GALC: variants seen among roughly 807,000 people sequenced by gnomAD.
GALC encodes galactosylceramidase.
In GALC, 77 loss-of-function variants were observed where a neutral mutation model predicts 91.8. The ratio of observed to expected loss-of-function variants is 0.84; its 90% CI spans 0.70 to 1.01. GALC has a LOEUF of 1.01. Among genes scored for constraint, GALC ranks in the 50% least tolerant of loss-of-function variants. GALC has a pLI of 0.00. For synonymous variants in GALC, 357 were observed against 306.7 expected (o/e 1.16, Z -1.71); for missense variants, 882 against 855.9 (o/e 1.03, Z -0.38).
chr14:87,976,275 T>G lies in GALC; in HGVS notation c.752+83A>C, dbSNP rs187696129. ...GCTACCTTCTGAGAATGTAATCAAA[T>G]GGGGAGAAGGCAAGAAAAAGATAGT... On this transcript the variant is annotated intron_variant, in intron 7 of 16. Coordinates refer to ENST00000261304, the MANE Select transcript of GALC (RefSeq NM_000153.4). 41 of 1,460,098 alleles carry G rather than the reference T, an allele frequency of 2.8e-5. No individual in the cohort carries two copies. In the East Asian group the frequency reaches 8.6e-4, roughly 31 times the overall value. 90.4% of individuals were successfully genotyped at this position (1,460,098 alleles called of 1,614,324 possible). A position where few individuals can be genotyped will look rare whatever the true frequency, so the allele number is the denominator to read the frequency against.
At chr14:87,941,313 C>A in intron 15 of GALC, 82 bp downstream of exon 15, 1 of 889,008 alleles carries the variant, frequency 1.1e-6, no homozygotes, top group South Asian at 1.5e-5. Context: ...TTCTTTTTAT[C>A]ACTCCCACAA....
At position 87,965,379 on chromosome 14, in the gene GALC, G is replaced by A. The variant is rs928848759; in HGVS notation, c.1033+126C>T. On this transcript the variant is annotated intron_variant, in intron 9 of 16. Coordinates refer to ENST00000261304, the MANE Select transcript of GALC (RefSeq NM_000153.4). ...TTCTTATAAAACACTGGCAAATCTT[G>A]CTTAAAACTTAAATCTATACTTAAA... is the stretch of plus-strand genomic sequence containing the variant. 33 of 1,029,068 alleles carry A rather than the reference G, an allele frequency of 3.2e-5. No homozygotes were observed. The highest frequency in any genetic ancestry group is 4.6e-5 in the Non-Finnish European group (31 of 669,028). The allele number at this position is 1,029,068 out of a possible 1,614,324, so 63.7% of individuals were successfully genotyped here.
At chr14:87,982,778 T>C (rs1224695313) in intron 5 of GALC, among the ~76,000 whole-genome samples, 2 of 152,222 alleles carry the variant, frequency 1.3e-5, no homozygotes, top group African/African-American at 2.4e-5. Flanking sequence ...TCATGAAGCA[T>C]GGGGTTTTAG....
intron 10 of GALC, chr14:87,954,034 A>G (rs1369058715): frequency 2.2e-5 from 35 of 1,609,774 alleles, no homozygotes; most frequent in Non-Finnish European, 3.0e-5. Flanking sequence ...CATGAGGACC[A>G]ATGGGTTGGC....
chr14:87,966,246 AT>A (rs1886048661), intron 8 of GALC, among the ~76,000 whole-genome samples: 1 of 152,186 alleles, frequency 6.6e-6, no homozygotes, highest in African/African-American at 2.4e-5. Flanking sequence ...TTGCTATTAA[AT>A]ATGATTCCAC....
chr14:87,948,430 T>C (rs1885164592), intron 12 of GALC, among the ~76,000 whole-genome samples: 1 of 152,048 alleles, frequency 6.6e-6, no homozygotes, highest in African/African-American at 2.4e-5. Flanking sequence ...TCTCCTCATC[T>C]ACAAAATGAG....
intron 14 of GALC, among the ~76,000 whole-genome samples, chr14:87,942,526 C>T (rs904677573): frequency 6.6e-6 from 1 of 151,978 alleles, no homozygotes; most frequent in African/African-American, 2.4e-5. Flanking sequence ...TATTTCACTT[C>T]CTACTCAGTA....
chr14:87,993,416 C>T, upstream of GALC: 1 of 1,535,844 alleles, frequency 6.5e-7, no homozygotes, highest in Non-Finnish European at 8.7e-7. Context: ...CCTGGTGGAG[C>T]ACTTTAACGC....
chr14:87,965,364 A>G (rs1465281937), intron 9 of GALC, 141 bp downstream of exon 9: 1 of 886,440 alleles, frequency 1.1e-6, no homozygotes, highest in Non-Finnish European at 1.8e-6. Flanking sequence ...TTCTTATAAA[A>G]CACTGGCAAA....
chr14:87,988,106 T>A, intron 3 of GALC, 38 bp downstream of exon 3: 1 of 1,507,840 alleles, frequency 6.6e-7, no homozygotes, highest in Non-Finnish European at 9.2e-7. Flanking sequence ...TAGATTAAAA[T>A]GTTGATGGGA....
intron 8 of GALC, among the ~76,000 whole-genome samples, 159 bp from the exon 9 acceptor site, chr14:87,965,788 T>C (rs188737814): frequency 7.0e-4 from 107 of 152,310 alleles, no homozygotes; most frequent in African/African-American, 2.5e-3. Context: ...TGTCTAAATT[T>C]ATTCACATTT....
At chr14:87,967,299 G>A (rs1376251016) in intron 8 of GALC, among the ~76,000 whole-genome samples, 1 of 152,158 alleles carries the variant, frequency 6.6e-6, no homozygotes, top group Non-Finnish European at 1.5e-5. Context: ...AGGATGGTTA[G>A]CTCTGGATCA....
At chr14:87,941,818 A>T (rs898442663) in intron 14 of GALC, among the ~76,000 whole-genome samples, 1 of 152,138 alleles carries the variant, frequency 6.6e-6, no homozygotes, top group South Asian at 2.1e-4. Context: ...TTTCCTGAGA[A>T]AATTTTTTTT....
intron 7 of GALC, among the ~76,000 whole-genome samples, chr14:87,968,909 G>A (rs1345718790): frequency 6.6e-6 from 1 of 152,060 alleles, no homozygotes. Flanking sequence ...GGAGCTTGGG[G>A]CAATAGTAAA....
rs891013671 is a variant in GALC at position 87,965,517 on chromosome 14, C to G, written c.1021G>C (p.Val341Leu). The G allele has an allele frequency of 4.3e-6, 7 of 1,613,392 alleles. No homozygotes were observed. The East Asian group carries it at 1.1e-4, about 26-fold the overall frequency. ...AACTGAACCATACCTGATACCCAGA[C>G]AGGAGATTCTACCACGTAGTGCCCA... ...WSGHYVVESPVWVSAHTTQFT... is the reference protein window; with the variant it reads ...WSGHYVVESPLWVSAHTTQFT... The change falls in exon 9 of 17, where the codon GTC becomes CTC. Residue 341 changes from valine (V) to leucine (L), a missense_variant. Transcript: ENST00000261304.
intron 16 of GALC, among the ~76,000 whole-genome samples, chr14:87,939,599 G>C (rs1163954038): frequency 6.6e-6 from 1 of 151,434 alleles, no homozygotes; most frequent in Non-Finnish European, 1.5e-5. Context: ...GTACAGTCTT[G>C]GTTCAAGCAA....
At chr14:87,992,803 G>A in intron 1 of GALC, 167 bp downstream of exon 1, 2 of 1,406,858 alleles carry the variant, frequency 1.4e-6, no homozygotes, top group Non-Finnish European at 1.8e-6. Context: ...ACCCGCCCCA[G>A]CCCCGCAGCG....
chr14:87,953,758 T>A, intron 10 of GALC: 2 of 1,604,582 alleles, frequency 1.2e-6, no homozygotes, highest in Non-Finnish European at 1.7e-6. Context: ...TGTGTCTGAA[T>A]TTAAGGGTAT....
rs1461709024 is a variant in GALC at position 87,979,601 on chromosome 14, A to G, written c.621+2604T>C. Among the ~76,000 whole-genome samples the G allele has an allele frequency of 3.9e-5, 6 of 152,220 alleles. No individual in the cohort carries two copies. The South Asian group carries it at 8.3e-4, about 21-fold the overall frequency. On this transcript the variant is annotated intron_variant, in intron 6 of 16. Coordinates refer to ENST00000261304, the MANE Select transcript of GALC (RefSeq NM_000153.4). The stretch of plus-strand genomic sequence containing the variant: ...TAAAAAAGTTCAAATAACATAAAAT[A>G]TAGCCCTGTCTTATTTCATTAGTTT...
Sources: gnomAD v4.1 joint callset for allele counts (sites outside exome capture counted in the v4.1 genomes callset) on GRCh38, gnomAD v4.1.1 for gene constraint, MANE v1.5 for transcripts, NCBI Gene and HGNC (gene_info 2026-07-23, HGNC 2026-07-21) for gene names.